The following ARHGAP44 variants were observed in gnomAD, a reference collection of about 807,000 sequenced individuals.
ARHGAP44 encodes the protein rho GTPase-activating protein 44.
ARHGAP44 carries 43 observed loss-of-function variants against 106.8 expected under a neutral mutation model. The observed-to-expected ratio is 0.40, with a 90% CI of 0.32 to 0.52. ARHGAP44 has a LOEUF of 0.52. Ranked by LOEUF, ARHGAP44 falls within the 20% of genes least tolerant of loss-of-function variation. ARHGAP44 has a pLI of 0.48. For synonymous variants in ARHGAP44, 439 were observed against 410.3 expected, an observed-to-expected ratio of 1.07 and a Z score of -0.85; for missense variants, 866 against 1,050.5, an observed-to-expected ratio of 0.82 and a Z score of 2.43.
chr17:12,883,687 A>C (rs1370317686), intron 1 of ARHGAP44, among the ~76,000 whole-genome samples: 1 of 152,138 alleles, frequency 6.6e-6, no homozygotes, highest in Non-Finnish European at 1.5e-5. Context: ...TTTAAATTAC[A>C]CTGGGGTCAG....
At chr17:12,880,672 TA>T (rs2036702256) in intron 1 of ARHGAP44, among the ~76,000 whole-genome samples, 1 of 42,196 alleles carries the variant, frequency 2.4e-5, no homozygotes, top group Non-Finnish European at 8.0e-5. Context: ...GCCCACTCAC[TA>T]GTGGTAGTGA....
At chr17:12,987,125 T>C (rs1255569872) in intron 20 of ARHGAP44, 5 of 1,535,450 alleles carry the variant, frequency 3.3e-6, no homozygotes, top group Non-Finnish European at 1.7e-6. Context: ...TGGCGCAGTT[T>C]TGGATACGTG....
chr17:12,946,998 TC>T (rs1367289651), intron 10 of ARHGAP44, among the ~76,000 whole-genome samples: 1 of 152,178 alleles, frequency 6.6e-6, no homozygotes, highest in African/African-American at 2.4e-5. Flanking sequence ...TTGTGTCAGC[TC>T]TTTACTTTTA....
chr17:12,945,454 G>A (rs2038826284), intron 10 of ARHGAP44, among the ~76,000 whole-genome samples: 1 of 152,056 alleles, frequency 6.6e-6, no homozygotes, highest in Non-Finnish European at 1.5e-5. Context: ...TATTTATTTA[G>A]GGCATGCGGT....
At chr17:12,810,051 C>G (rs2034391704) in intron 1 of ARHGAP44, among the ~76,000 whole-genome samples, 1 of 151,954 alleles carries the variant, frequency 6.6e-6, no homozygotes, top group African/African-American at 2.4e-5. Context: ...CAGTGCTGAG[C>G]AGAGAGGAGG....
intron 3 of ARHGAP44, among the ~76,000 whole-genome samples, chr17:12,899,486 A>C (rs1027281100): frequency 2.0e-5 from 3 of 152,318 alleles, no homozygotes; most frequent in African/African-American, 7.2e-5. Flanking sequence ...TGACACTTAT[A>C]AATCACCTCA....
At chr17:12,933,515 G>T (rs1375660688) in intron 7 of ARHGAP44, among the ~76,000 whole-genome samples, 2 of 152,162 alleles carry the variant, frequency 1.3e-5, no homozygotes, top group African/African-American at 2.4e-5. Context: ...CCTACTTCAA[G>T]ATGAGACAAG....
intron 20 of ARHGAP44, chr17:12,985,252 A>G (rs1330516641): frequency 8.3e-6 from 2 of 240,752 alleles, no homozygotes; most frequent in African/African-American, 4.5e-5. Flanking sequence ...ACAAAACAGC[A>G]TCAAAACTCA....
intron 16 of ARHGAP44, among the ~76,000 whole-genome samples, chr17:12,959,781 T>G (rs2039215110): frequency 6.6e-6 from 1 of 152,236 alleles, no homozygotes; most frequent in Non-Finnish European, 1.5e-5. Context: ...ATGTAGCAAG[T>G]GCTCCTTTAG....
rs547894086 is a variant in ARHGAP44 at position 12,789,947 on chromosome 17, G to A, written c.53+56G>A. On this transcript the variant is annotated intron_variant, in intron 1 of 20. Transcript: ENST00000379672. ...CGCGCCCGCGAGGCTGCATCCGCAG[G>A]GGCGCGCAGGTGATGGAGCCCGCCC... 4.5e-4 allele frequency: 662 copies of A among 1,464,048 alleles called. 5 individuals are homozygous for A. The South Asian group carries it at 8.1e-3, about 18-fold the overall frequency. The allele number at this position is 1,464,048 out of a possible 1,614,324, so 90.7% of individuals were successfully genotyped here.
Position 12,990,791 on chromosome 17 carries a change from T to G in ARHGAP44, c.*620T>G, listed in dbSNP as rs1308973265. 6.6e-6 allele frequency: 1 copy of G among 152,260 alleles called. No individual in the cohort carries two copies. The highest frequency in any genetic ancestry group is 2.4e-5 in the African/African-American group (1 of 41,436). 9.4% of individuals were successfully genotyped at this position (152,260 alleles called of 1,614,324 possible). A position where few individuals can be genotyped will look rare whatever the true frequency, so the allele number is the denominator to read the frequency against. On this transcript the variant is annotated 3_prime_UTR_variant, in exon 21 of 21. Transcript: ENST00000379672. ...ATGGCTGAAAACAAAAATGTTTCAC[T>G]TCCTAACAGTTTTCCTTTTTCCACT...
At chr17:12,924,348 G>A (rs2038173318) in intron 6 of ARHGAP44, among the ~76,000 whole-genome samples, 1 of 152,196 alleles carries the variant, frequency 6.6e-6, no homozygotes, top group African/African-American at 2.4e-5. Context: ...GACGCTTTAT[G>A]CTGAATTAAA....
chr17:12,820,928 A>G (rs1418307865), intron 1 of ARHGAP44, among the ~76,000 whole-genome samples: 1 of 152,206 alleles, frequency 6.6e-6, no homozygotes, highest in East Asian at 1.9e-4. Context: ...ACCCTGAAGA[A>G]TGGATAGATG....
rs115467722 is a variant in ARHGAP44 at position 12,850,398 on chromosome 17, G to A, written c.54-44542G>A. ...AGAGCACCATTTTTTAAGAAATTGC[G>A]ATTGCCTTACTCAGTTTCATTGGCT... On this transcript the variant is annotated intron_variant, in intron 1 of 20. Transcript: ENST00000379672. Among the ~76,000 whole-genome samples the A allele has an allele frequency of 5.8e-3, 875 of 152,008 alleles. 13 individuals carry two copies. The highest frequency in any genetic ancestry group is 0.02 in the African/African-American group (828 of 41,390).
rs535963455 is a variant in ARHGAP44 at position 12,905,703 on chromosome 17, C to T, written c.199-3194C>T. 3.3e-5 allele frequency among the ~76,000 whole-genome samples: 5 copies of T among 152,298 alleles called. No homozygotes were observed. In the East Asian group the frequency reaches 9.7e-4, roughly 29 times the overall value. ...TGTCAACTCTTGGACTATCAGAAGT[C>T]CCCTTTACTATAGGCAAATCCTCTC... is the stretch of plus-strand genomic sequence containing the variant. On this transcript the variant is annotated intron_variant, in intron 3 of 20. Coordinates refer to ENST00000379672, the MANE Select transcript of ARHGAP44 (RefSeq NM_014859.6).
intron 1 of ARHGAP44, among the ~76,000 whole-genome samples, chr17:12,852,542 T>G (rs1002586017): frequency 6.7e-6 from 1 of 148,664 alleles, no homozygotes; most frequent in African/African-American, 2.5e-5. Flanking sequence ...TTGGTTTGTT[T>G]GCTGTGTTTT....
At chr17:12,964,665 T>G (rs111329284) in intron 16 of ARHGAP44, among the ~76,000 whole-genome samples, 15,292 of 152,074 alleles carry the variant, frequency 0.1, 892 homozygotes, top group South Asian at 0.2. Context: ...ACGCCTATAA[T>G]CCCAGTTACT....
intron 5 of ARHGAP44, among the ~76,000 whole-genome samples, chr17:12,917,549 C>A (rs1021190232): frequency 6.6e-6 from 1 of 152,088 alleles, no homozygotes; most frequent in Non-Finnish European, 1.5e-5. Flanking sequence ...TGGATGGTAC[C>A]GCTCCATTGT....
chr17:12,807,425 A>G (rs2034307130), intron 1 of ARHGAP44, among the ~76,000 whole-genome samples: 2 of 152,224 alleles, frequency 1.3e-5, no homozygotes, highest in African/African-American at 4.8e-5. Flanking sequence ...TGGATAATTT[A>G]TAAAGGAAAG....
Sources: allele counts gnomAD v4.1 joint callset (sites outside exome capture counted in the v4.1 genomes callset), GRCh38; gene constraint gnomAD v4.1.1; transcripts MANE v1.5; gene names NCBI Gene and HGNC (gene_info 2026-07-23, HGNC 2026-07-21).